The following CORO2B variants were observed in gnomAD, a reference collection of about 807,000 sequenced individuals.
CORO2B encodes the protein coronin 2B.
CORO2B carries 26 observed loss-of-function variants against 58.8 expected under a neutral mutation model. The ratio of observed to expected loss-of-function variants is 0.44; its 90% CI spans 0.32 to 0.61. The LOEUF is 0.61. Among genes scored for constraint, CORO2B ranks in the 20% least tolerant of loss-of-function variants. CORO2B has a pLI of 0.04. For synonymous variants in CORO2B, 242 were observed against 253.8 expected, an observed-to-expected ratio of 0.95 and a Z score of 0.44; for missense variants, 460 against 645.1, an observed-to-expected ratio of 0.71 and a Z score of 3.11.
chr15:68,621,137 G>T (rs1900504449), intron 1 of CORO2B, among the ~76,000 whole-genome samples: 1 of 152,200 alleles, frequency 6.6e-6, no homozygotes. Flanking sequence ...CAGTGCAGGT[G>T]TAGGGACCCT....
chr15:68,641,491 A>G (rs769199752), intron 1 of CORO2B: 3 of 979,186 alleles, frequency 3.1e-6, no homozygotes, highest in South Asian at 4.7e-5. Context: ...GAGCAGGGAA[A>G]AGGAGAAGGG....
chr15:68,634,893 A>G (rs1457364470), intron 1 of CORO2B, among the ~76,000 whole-genome samples: 1 of 152,198 alleles, frequency 6.6e-6, no homozygotes, highest in African/African-American at 2.4e-5. Flanking sequence ...CTCCCAGGTA[A>G]TGCCAGTGCT....
At chr15:68,592,184 G>T (rs1293177921) in intron 1 of CORO2B, among the ~76,000 whole-genome samples, 2 of 152,196 alleles carry the variant, frequency 1.3e-5, no homozygotes, top group African/African-American at 4.8e-5. Flanking sequence ...ATGAGACTTG[G>T]AGGTTAAGGA....
intron 1 of CORO2B, among the ~76,000 whole-genome samples, chr15:68,630,364 G>A (rs535544985): frequency 1.3e-5 from 2 of 152,140 alleles, no homozygotes; most frequent in South Asian, 2.1e-4. Flanking sequence ...ACGGGCAGCC[G>A]CATCAGCACA....
intron 2 of CORO2B, among the ~76,000 whole-genome samples, chr15:68,686,680 C>T (rs1902989181): frequency 6.6e-6 from 1 of 152,056 alleles, no homozygotes; most frequent in Non-Finnish European, 1.5e-5. Context: ...GGGTGGATCA[C>T]CTGAGGTCAG....
At chr15:68,587,556 T>G (rs1488968720) in intron 1 of CORO2B, among the ~76,000 whole-genome samples, 1 of 152,170 alleles carries the variant, frequency 6.6e-6, no homozygotes, top group Non-Finnish European at 1.5e-5. Flanking sequence ...AAATACCAAT[T>G]TAATAGTAGT....
intron 2 of CORO2B, among the ~76,000 whole-genome samples, chr15:68,670,405 CCTGGG>C (rs72284382): frequency 0.12 from 18,573 of 152,012 alleles, 2,142 homozygotes; most frequent in African/African-American, 0.31. Flanking sequence ...CTCTTGAAAT[CCTGGG>C]CTCAAGTGAT....
At chr15:68,522,639 G>A in the CORO2B span, among the ~76,000 whole-genome samples, 3 of 151,954 alleles carry the variant, frequency 2.0e-5, no homozygotes, top group Non-Finnish European at 4.4e-5. Context: ...TAGTAGAGAC[G>A]GGGTTTCACC....
chr15:68,617,364 T>G (rs1224868668), intron 1 of CORO2B, among the ~76,000 whole-genome samples: 1 of 152,218 alleles, frequency 6.6e-6, no homozygotes, highest in African/African-American at 2.4e-5. Flanking sequence ...ACTTTTCTGT[T>G]TAATGTATCC....
At chr15:68,723,704 G>A (rs1893222923) in intron 11 of CORO2B, among the ~76,000 whole-genome samples, 1 of 151,974 alleles carries the variant, frequency 6.6e-6, no homozygotes, top group Non-Finnish European at 1.5e-5. Context: ...CACCCACCTT[G>A]GCCTCCTAAA....
At chr15:68,694,265 T>C (rs1185753630) in intron 2 of CORO2B, among the ~76,000 whole-genome samples, 1 of 152,232 alleles carries the variant, frequency 6.6e-6, no homozygotes, top group African/African-American at 2.4e-5. Context: ...ATAAGTGCTG[T>C]CATATATTGA....
the CORO2B span, among the ~76,000 whole-genome samples, chr15:68,562,107 C>T: frequency 6.6e-6 from 1 of 152,206 alleles, no homozygotes; most frequent in Non-Finnish European, 1.5e-5. Context: ...CCAGCCACCC[C>T]TTCCCATGCC....
intron 1 of CORO2B, among the ~76,000 whole-genome samples, chr15:68,596,543 AG>A (rs1363493783): frequency 2.0e-5 from 3 of 152,118 alleles, no homozygotes; most frequent in Non-Finnish European, 4.4e-5. Context: ...TTGAAGGGGA[AG>A]GTGGGTTCTG....
chr15:68,650,577 A>G (rs1262637318), intron 2 of CORO2B, among the ~76,000 whole-genome samples: 1 of 152,042 alleles, frequency 6.6e-6, no homozygotes, highest in African/African-American at 2.4e-5. Flanking sequence ...GCGCAACTGC[A>G]CTCCAGCTTG....
chr15:68,602,841 G>A (rs962814041), intron 1 of CORO2B, among the ~76,000 whole-genome samples: 2 of 152,206 alleles, frequency 1.3e-5, no homozygotes, highest in African/African-American at 4.8e-5. Context: ...GTGGAAGCAA[G>A]CCTGTTTCCT....
intron 1 of CORO2B, among the ~76,000 whole-genome samples, chr15:68,602,216 A>G (rs144616338): frequency 4.9e-4 from 74 of 152,210 alleles, no homozygotes; most frequent in African/African-American, 1.7e-3. Context: ...AGTGGGGGGA[A>G]CTGCTGACTG....
At chr15:68,558,683 C>A in the CORO2B span, among the ~76,000 whole-genome samples, 1 of 152,164 alleles carries the variant, frequency 6.6e-6, no homozygotes, top group African/African-American at 2.4e-5. Flanking sequence ...CCTCTCTCCC[C>A]CTTGACTCCA....
chr15:68,719,846 G>A (rs1381812397), intron 11 of CORO2B, among the ~76,000 whole-genome samples: 1 of 152,224 alleles, frequency 6.6e-6, no homozygotes, highest in African/African-American at 2.4e-5. Context: ...TGGAGTTCCA[G>A]GAGTTATAAA....
At chr15:68,609,017 A>G (rs951129181) in intron 1 of CORO2B, among the ~76,000 whole-genome samples, 34 of 152,310 alleles carry the variant, frequency 2.2e-4, no homozygotes, top group Admixed American at 6.5e-5. Flanking sequence ...GAGGAAATCA[A>G]CTTGGAATTA....
Sources: gnomAD v4.1 joint callset for allele counts (sites outside exome capture counted in the v4.1 genomes callset) on GRCh38, gnomAD v4.1.1 for gene constraint, MANE v1.5 for transcripts, NCBI Gene and HGNC (gene_info 2026-07-23, HGNC 2026-07-21) for gene names.